Variants in CHSY3 observed in about 807,000 individuals in gnomAD.
CHSY3 encodes N-acetylgalactosaminyl-proteoglycan 3-beta-glucuronosyltransferase 3.
In CHSY3, 35 loss-of-function variants were observed where a neutral mutation model predicts 67.2. The observed-to-expected ratio is 0.52, with a 90% confidence interval of 0.40 to 0.69. CHSY3 has a LOEUF of 0.69. CHSY3 is among the 30% of genes least tolerant of loss of function. The pLI, the probability that CHSY3 is intolerant of heterozygous loss-of-function variation, is 0.00. For missense variants in CHSY3, 1,069 were observed against 1,138.5 expected, an observed-to-expected ratio of 0.94 and a Z score of 0.88; for synonymous variants, 474 against 434.7, an observed-to-expected ratio of 1.09 and a Z score of -1.12.
rs141310082 is a variant in CHSY3 at position 130,016,655 on chromosome 5, C to T, written c.1086+108295C>T. On this transcript the variant is annotated intron_variant, in intron 2 of 2. Transcript: ENST00000305031. ...GAACTCCTGACCTCAGGTGATCTGC[C>T]GCCTTGGCCTCCCGAAGTGCTGGGA... is the stretch of plus-strand genomic sequence containing the variant. Among the ~76,000 whole-genome samples the T allele has an allele frequency of 2.6e-4, 40 of 152,280 alleles. No individual in the cohort carries two copies. In the East Asian group the frequency reaches 5.4e-3, roughly 21 times the overall value.
intron 2 of CHSY3, among the ~76,000 whole-genome samples, chr5:130,174,636 G>A (rs1769990190): frequency 6.6e-6 from 1 of 151,876 alleles, no homozygotes; most frequent in African/African-American, 2.4e-5. Flanking sequence ...CAACTACAAA[G>A]ATAACAACTA....
chr5:129,910,955 T>C (rs531195930), intron 2 of CHSY3, among the ~76,000 whole-genome samples: 115 of 150,996 alleles, frequency 7.6e-4, no homozygotes, highest in Middle Eastern at 3.4e-3. Context: ...ATTTCTTTTA[T>C]CTATGCCTTT....
chr5:129,958,797 G>A (rs1042005386), intron 2 of CHSY3, among the ~76,000 whole-genome samples: 1 of 152,142 alleles, frequency 6.6e-6, no homozygotes, highest in African/African-American at 2.4e-5. Flanking sequence ...TACCCAAAGT[G>A]CTGGGATTAT....
chr5:130,084,987 G>A (rs1212554506), intron 2 of CHSY3, among the ~76,000 whole-genome samples: 1 of 151,954 alleles, frequency 6.6e-6, no homozygotes, highest in African/African-American at 2.4e-5. Flanking sequence ...TCAATTGTAG[G>A]ATTTATGTTT....
At chr5:130,123,238 A>C (rs929011422) in intron 2 of CHSY3, among the ~76,000 whole-genome samples, 2 of 152,248 alleles carry the variant, frequency 1.3e-5, no homozygotes. Context: ...AGACTGTTTC[A>C]GAAAGAGAGT....
chr5:130,073,599 A>C (rs1254203553), intron 2 of CHSY3, among the ~76,000 whole-genome samples: 3 of 152,120 alleles, frequency 2.0e-5, no homozygotes, highest in Non-Finnish European at 2.9e-5. Flanking sequence ...TGCTGGTGGG[A>C]TTGTAAATTA....
chr5:129,978,440 G>A (rs1272016725), intron 2 of CHSY3, among the ~76,000 whole-genome samples: 2 of 151,996 alleles, frequency 1.3e-5, no homozygotes, highest in Non-Finnish European at 1.5e-5. Context: ...ATGTACACAT[G>A]AGCACTTTAA....
intron 2 of CHSY3, among the ~76,000 whole-genome samples, chr5:130,154,086 T>G (rs535349997): frequency 6.6e-6 from 1 of 152,280 alleles, no homozygotes; most frequent in South Asian, 2.1e-4. Context: ...CCAGCTAATT[T>G]TCATACTTTT....
At chr5:130,069,441 C>T (rs1005391754) in intron 2 of CHSY3, among the ~76,000 whole-genome samples, 7 of 151,792 alleles carry the variant, frequency 4.6e-5, no homozygotes, top group East Asian at 1.9e-4. Flanking sequence ...CTTGAGCCCA[C>T]GAGTTCAAGA....
At chr5:129,928,306 A>C (rs1199869614) in intron 2 of CHSY3, among the ~76,000 whole-genome samples, 1 of 151,334 alleles carries the variant, frequency 6.6e-6, no homozygotes, top group Non-Finnish European at 1.5e-5. Flanking sequence ...AATAGAATTT[A>C]CATGGCTTGG....
At chr5:129,979,824 T>C (rs1397315949) in intron 2 of CHSY3, among the ~76,000 whole-genome samples, 4 of 152,236 alleles carry the variant, frequency 2.6e-5, no homozygotes, top group African/African-American at 9.6e-5. Context: ...TTTTCCAGAA[T>C]GTTATATAGT....
In CHSY3 at chr5:129,960,213, G is replaced by T. The variant is rs893315632; in HGVS notation, c.1086+51853G>T. Among the ~76,000 whole-genome samples, 3 of 152,116 alleles carry T rather than the reference G, an allele frequency of 2.0e-5. No homozygotes were observed. In the South Asian group the frequency reaches 6.2e-4, roughly 32 times the overall value. On this transcript the variant is annotated intron_variant, in intron 2 of 2. Transcript: ENST00000305031. ...CCTGTTTGACGTTGTCCACAGAAGG[G>T]CTGGTAGAGTTTGGCATGAAGCAGA...
intron 2 of CHSY3, among the ~76,000 whole-genome samples, chr5:130,019,886 A>G (rs1248089632): frequency 6.6e-6 from 1 of 152,198 alleles, no homozygotes; most frequent in Admixed American, 6.5e-5. Flanking sequence ...GCTTGTAGAT[A>G]TTTTAGATAA....
At position 130,044,138 on chromosome 5, in the gene CHSY3, G is replaced by A. The variant is rs549468711; in HGVS notation, c.1086+135778G>A. On this transcript the variant is annotated intron_variant, in intron 2 of 2. Transcript: ENST00000305031. ...TGAGATAAGTTTACTTGAAGAAGAA[G>A]GAATCTACTGAAAAATTTGAACAAT... is the stretch of plus-strand genomic sequence containing the variant. Among the ~76,000 whole-genome samples, 5 of 152,106 alleles carry A rather than the reference G, an allele frequency of 3.3e-5. No homozygotes were observed. In the East Asian group the frequency reaches 7.8e-4, roughly 24 times the overall value.
At chr5:130,128,102 A>G (rs1304495643) in intron 2 of CHSY3, among the ~76,000 whole-genome samples, 1 of 152,172 alleles carries the variant, frequency 6.6e-6, no homozygotes, top group Non-Finnish European at 1.5e-5. Context: ...CAATGAACAC[A>G]TACTGAGTAA....
At chr5:130,092,993 G>A (rs115162572) in intron 2 of CHSY3, among the ~76,000 whole-genome samples, 2,380 of 152,248 alleles carry the variant, frequency 0.016, 76 homozygotes, top group African/African-American at 0.055. Flanking sequence ...CATCTGGGAG[G>A]CCTCATGGTT....
intron 2 of CHSY3, among the ~76,000 whole-genome samples, chr5:130,031,356 T>C (rs1334585627): frequency 6.6e-6 from 1 of 152,126 alleles, no homozygotes; most frequent in Admixed American, 6.6e-5. Context: ...ATTTTATGCA[T>C]ATATGAATTA....
chr5:130,087,169 C>A (rs896228846), intron 2 of CHSY3, among the ~76,000 whole-genome samples: 9 of 151,658 alleles, frequency 5.9e-5, no homozygotes, highest in African/African-American at 2.2e-4. Context: ...ATTCAACAAC[C>A]CTTCATGCTA....
chr5:130,162,930 G>A (rs900497989), intron 2 of CHSY3, among the ~76,000 whole-genome samples: 2 of 152,030 alleles, frequency 1.3e-5, no homozygotes, highest in African/African-American at 4.8e-5. Context: ...TGCTTTCTCT[G>A]TGTAATTGCA....
Sources: gnomAD v4.1 joint callset for allele counts (sites outside exome capture counted in the v4.1 genomes callset) on GRCh38, gnomAD v4.1.1 for gene constraint, MANE v1.5 for transcripts, NCBI Gene and HGNC (gene_info 2026-07-23, HGNC 2026-07-21) for gene names.